The following ACBD6 variants were observed in gnomAD, a reference collection of about 807,000 sequenced individuals.
ACBD6 encodes acyl-CoA binding domain containing 6, also known as acyl-CoA-binding domain-containing protein 6.
In ACBD6, 28 loss-of-function variants were observed where a neutral mutation model predicts 37.2. The observed-to-expected ratio is 0.75, with a 90% CI of 0.56 to 1.03. The LOEUF is 1.03. Ranked by LOEUF, ACBD6 falls within the 50% of genes least tolerant of loss-of-function variation. The pLI is 0.00. For missense variants in ACBD6, 340 were observed against 337.4 expected, an observed-to-expected ratio of 1.01 and a Z score of -0.06; for synonymous variants, 113 against 126.8, an observed-to-expected ratio of 0.89 and a Z score of 0.73.
intron 4 of ACBD6, among the ~76,000 whole-genome samples, chr1:180,418,979 C>T (rs540427142): frequency 1.9e-4 from 29 of 152,282 alleles, no homozygotes; most frequent in Non-Finnish European, 3.7e-4. Flanking sequence ...AGGCCGGGCG[C>T]GGTGGCTCAC....
At chr1:180,439,850 G>A (rs983526139) in intron 3 of ACBD6, among the ~76,000 whole-genome samples, 1 of 152,170 alleles carries the variant, frequency 6.6e-6, no homozygotes, top group Non-Finnish European at 1.5e-5. Context: ...AAGGAGAGGA[G>A]TGATAACTTG....
At chr1:180,293,474 A>AT (rs1306788011) in intron 7 of ACBD6, among the ~76,000 whole-genome samples, 1 of 151,924 alleles carries the variant, frequency 6.6e-6, no homozygotes, top group Admixed American at 6.6e-5. Context: ...CACCCAGCTA[A>AT]TTTTTGTATT....
Position 180,500,504 on chromosome 1 carries a change from C to G in ACBD6, c.222+1541G>C, listed in dbSNP as rs551323256. On this transcript the variant is annotated intron_variant, in intron 1 of 7. Coordinates refer to ENST00000367595, the MANE Select transcript of ACBD6 (RefSeq NM_032360.4). Reference sequence around the variant, plus strand: ...GGTCAGGAGTTCAAGACCAGCCTGGCGAACATGATGAAACCCCGTCTCTTC... The same window carrying G: ...GGTCAGGAGTTCAAGACCAGCCTGGGGAACATGATGAAACCCCGTCTCTTC... Among the ~76,000 whole-genome samples the G allele has an allele frequency of 2.0e-5, 3 of 150,410 alleles. No homozygotes were observed. The South Asian group carries it at 6.4e-4, about 32-fold the overall frequency.
chr1:180,331,922 A>G (rs1329117285), intron 6 of ACBD6, among the ~76,000 whole-genome samples: 1 of 152,214 alleles, frequency 6.6e-6, no homozygotes, highest in Non-Finnish European at 1.5e-5. Flanking sequence ...ACTAGAGAGT[A>G]TATTCTAAAA....
chr1:180,429,998 T>C (rs1648749262), intron 4 of ACBD6, among the ~76,000 whole-genome samples, 182 bp downstream of exon 4: 1 of 152,204 alleles, frequency 6.6e-6, no homozygotes. Context: ...CTGTCATTTA[T>C]TGTCCTGCTG....
At chr1:180,368,680 T>C (rs533530722) in intron 6 of ACBD6, among the ~76,000 whole-genome samples, 4 of 151,878 alleles carry the variant, frequency 2.6e-5, no homozygotes, top group African/African-American at 9.6e-5. Flanking sequence ...AATGCCTGAA[T>C]GGTGGATAGT....
At chr1:180,271,889 C>A (rs756081757) in exon 14 of ACBD6, 5 of 1,613,568 alleles carry the variant, frequency 3.1e-6, no homozygotes, top group Middle Eastern at 3.3e-4. Flanking sequence ...GGATGCAGGG[C>A]GGCACCGCTG....
intron 6 of ACBD6, among the ~76,000 whole-genome samples, chr1:180,325,654 T>A (rs1651230947): frequency 6.6e-6 from 1 of 152,060 alleles, no homozygotes; most frequent in Admixed American, 6.6e-5. Context: ...CATTGAAGAG[T>A]TAGAATTTAT....
intron 6 of ACBD6, among the ~76,000 whole-genome samples, chr1:180,347,882 G>A (rs1039823682): frequency 2.6e-5 from 4 of 151,968 alleles, no homozygotes; most frequent in African/African-American, 9.7e-5. Flanking sequence ...GGAGAATGGC[G>A]TGAACCTGGG....
intron 3 of ACBD6, among the ~76,000 whole-genome samples, chr1:180,431,912 T>C (rs1005119872): frequency 7.2e-5 from 11 of 152,150 alleles, no homozygotes; most frequent in African/African-American, 2.7e-4. Flanking sequence ...ATCAAAAGTA[T>C]AATCCATGAC....
rs1649266374 is a variant in ACBD6, at chr1:180,441,157, G to T, written c.385-10895C>A. Among the ~76,000 whole-genome samples, 4 of 152,124 alleles carry T rather than the reference G, an allele frequency of 2.6e-5. No homozygotes were observed. The South Asian group carries it at 8.3e-4, about 32-fold the overall frequency. Reference sequence around the variant, plus strand: ...GCTGCACCATTGTACAGTCTTAGCAGCAATCTAAGACAGTTCCAATGTCTC... The same window carrying T: ...GCTGCACCATTGTACAGTCTTAGCATCAATCTAAGACAGTTCCAATGTCTC... On this transcript the variant is annotated intron_variant, in intron 3 of 7. Coordinates refer to ENST00000367595, the MANE Select transcript of ACBD6 (RefSeq NM_032360.4).
chr1:180,451,454 A>G (rs1243842763), intron 3 of ACBD6, among the ~76,000 whole-genome samples: 2 of 152,230 alleles, frequency 1.3e-5, no homozygotes, highest in Non-Finnish European at 2.9e-5. Flanking sequence ...TATTCAAAAT[A>G]GCCAAAAGGT....
chr1:180,388,532 TAACA>T (rs1653940971), intron 6 of ACBD6, among the ~76,000 whole-genome samples: 2 of 152,330 alleles, frequency 1.3e-5, no homozygotes, highest in African/African-American at 2.4e-5. Context: ...AGGAATCCAC[TAACA>T]AACTGTCAGA....
chr1:180,451,719 TGAG>T (rs1414654143), intron 3 of ACBD6, among the ~76,000 whole-genome samples: 1 of 152,082 alleles, frequency 6.6e-6, no homozygotes, highest in Non-Finnish European at 1.5e-5. Context: ...CTGAGGGAAA[TGAG>T]GAGACTGAAA....
At chr1:180,398,710 G>A (rs1345201845) in intron 5 of ACBD6, among the ~76,000 whole-genome samples, 6 of 152,040 alleles carry the variant, frequency 3.9e-5, no homozygotes, top group African/African-American at 1.4e-4. Flanking sequence ...AAGCCTACTT[G>A]GTTCAAAAGA....
chr1:180,352,448 C>T (rs12122338), intron 6 of ACBD6, among the ~76,000 whole-genome samples: 74,388 of 151,744 alleles, frequency 0.49, 20,866 homozygotes, highest in South Asian at 0.66. Flanking sequence ...CCTCAGCCTC[C>T]GAAAAGCTGG....
At chr1:180,299,404 G>A (rs1333506611) in intron 7 of ACBD6, among the ~76,000 whole-genome samples, 1 of 152,016 alleles carries the variant, frequency 6.6e-6, no homozygotes, top group Non-Finnish European at 1.5e-5. Flanking sequence ...AAGTCTATAG[G>A]GATTAGAACA....
intron 6 of ACBD6, among the ~76,000 whole-genome samples, chr1:180,362,250 G>A (rs1652880672): frequency 6.6e-6 from 1 of 152,118 alleles, no homozygotes; most frequent in Non-Finnish European, 1.5e-5. Context: ...CTTTTATTAC[G>A]TGCATTTAAA....
At chr1:180,410,663 GA>G (rs35827351) in intron 5 of ACBD6, among the ~76,000 whole-genome samples, 15,471 of 145,810 alleles carry the variant, frequency 0.11, 1,117 homozygotes, top group African/African-American at 0.2. Flanking sequence ...CACTGCTCAG[GA>G]AAAAAAAAAA....
Sources: gnomAD v4.1 joint callset for allele counts (sites outside exome capture counted in the v4.1 genomes callset) on GRCh38, gnomAD v4.1.1 for gene constraint, MANE v1.5 for transcripts, NCBI Gene and HGNC (gene_info 2026-07-23, HGNC 2026-07-21) for gene names.